Variants in RFX7 observed in about 807,000 individuals in gnomAD.
The protein encoded by RFX7 is DNA-binding protein RFX7.
A neutral mutation model predicts 111.8 loss-of-function variants in RFX7; 26 were observed. That is an observed-to-expected ratio of 0.23 (90% CI 0.17 to 0.32). The LOEUF (loss-of-function observed/expected upper bound fraction) is 0.32. Ranked by LOEUF, RFX7 falls within the 10% of genes least tolerant of loss-of-function variation. The pLI is 1.00. For synonymous variants in RFX7, 624 were observed against 624.4 expected (o/e 1.00, Z 0.01); for missense variants, 1,573 against 1,772.9 (o/e 0.89, Z 2.02).
chr15:56,217,987 T>C (rs1219944548), intron 2 of RFX7, among the ~76,000 whole-genome samples: 3 of 151,836 alleles, frequency 2.0e-5, no homozygotes, highest in Admixed American at 6.6e-5. Context: ...CAACCACAAA[T>C]TGAAAACACT....
At position 56,094,874 on chromosome 15, in the gene RFX7, G is replaced by A. The variant is rs767597741; in HGVS notation, c.2854C>T (p.Pro952Ser). ...GTPIHTPTPT[P>S]TPTPTPTPTP... ...GGGGTTGGAGTAGGAGTGGGTGTGG[G>A]TGTGGGTGTGGGTGTGTGGATTGGA... is the stretch of plus-strand genomic sequence containing the variant. Residue 952 changes from proline (P) to serine (S), a missense_variant, in exon 10 of 10, where the codon CCC (proline) becomes TCC (serine). By Grantham distance (74) the Pro-to-Ser change is moderately conservative. Around this residue, in one of 7 missense-constraint regions of RFX7, gnomAD observed 625 missense variants for 632.2 expected, o/e 0.99. Coordinates refer to ENST00000559447, the MANE Select transcript of RFX7 (RefSeq NM_022841.7). The A allele has an allele frequency of 7.1e-6, 11 of 1,551,348 alleles. No individual in the cohort carries two copies. The Admixed American group carries it at 9.7e-5, about 14-fold the overall frequency.
intron 5 of RFX7, among the ~76,000 whole-genome samples, chr15:56,128,903 T>C (rs1049480438): frequency 5.9e-5 from 9 of 152,074 alleles, no homozygotes; most frequent in Non-Finnish European, 1.3e-4. Context: ...TTTCTATATA[T>C]TGGCAACAAC....
chr15:56,129,113 C>T (rs961596450), intron 5 of RFX7, among the ~76,000 whole-genome samples: 6 of 152,158 alleles, frequency 3.9e-5, no homozygotes, highest in Admixed American at 6.5e-5. Flanking sequence ...CAATGGCTCA[C>T]GCCTGTAATC....
chr15:56,135,750 T>C (rs1387588094), intron 5 of RFX7, among the ~76,000 whole-genome samples: 1 of 151,928 alleles, frequency 6.6e-6, no homozygotes, highest in African/African-American at 2.4e-5. Flanking sequence ...TGGTTTTAGG[T>C]CTAACATTTA....
intron 2 of RFX7, among the ~76,000 whole-genome samples, chr15:56,188,748 C>T (rs567422072): frequency 6.6e-6 from 1 of 152,140 alleles, no homozygotes; most frequent in Admixed American, 6.5e-5. Flanking sequence ...TGAGCTGAAG[C>T]TTAAAGTGTC....
chr15:56,179,257 TTA>T lies in RFX7; in HGVS notation c.195+11_195+12del. ...TATTGCAAAAGGATTTTAATATTAG[TTA>T]TTTCACTTACCAAAATGCAGTCCAC... On this transcript the variant is annotated intron_variant, in intron 3 of 9. Coordinates refer to ENST00000559447, the MANE Select transcript of RFX7 (RefSeq NM_022841.7). 8.1e-7 allele frequency: 1 copy of T among 1,235,882 alleles called. No individual in the cohort carries two copies. Among genetic ancestry groups the T allele is most frequent in the Non-Finnish European group, 1.1e-6 (1 of 927,902 alleles). 76.6% of individuals were successfully genotyped at this position (1,235,882 alleles called of 1,614,324 possible).
intron 3 of RFX7, among the ~76,000 whole-genome samples, chr15:56,163,253 T>A (rs1273762495): frequency 1.3e-5 from 2 of 152,092 alleles, no homozygotes; most frequent in Non-Finnish European, 2.9e-5. Context: ...CATATATCTC[T>A]GGAGGGCAGG....
At position 56,125,581 on chromosome 15, in the gene RFX7, G is replaced by A. The variant is rs142085081; in HGVS notation, c.401+17197C>T. On this transcript the variant is annotated intron_variant, in intron 5 of 9. Transcript: ENST00000559447. ...AAGTCTTTCGCATCCTTGGTTAAGC[G>A]TATTCTGAGGGTTTCTTCTGTGTGT... Among the ~76,000 whole-genome samples the A allele has an allele frequency of 8.0e-5, 12 of 149,218 alleles. No individual in the cohort carries two copies. The East Asian group carries it at 1.2e-3, about 15-fold the overall frequency.
intron 2 of RFX7, among the ~76,000 whole-genome samples, chr15:56,205,706 G>A (rs2043242991): frequency 1.3e-5 from 2 of 152,062 alleles, no homozygotes; most frequent in South Asian, 4.1e-4. Context: ...ATTAGCAGAG[G>A]GACAGAAACA....
intron 3 of RFX7, among the ~76,000 whole-genome samples, chr15:56,147,089 T>C (rs934589755): frequency 5.3e-5 from 8 of 152,356 alleles, no homozygotes; most frequent in African/African-American, 1.7e-4. Context: ...TTTATGACAA[T>C]TTAAATGATA....
chr15:56,187,349 T>C (rs1324895085), intron 2 of RFX7, among the ~76,000 whole-genome samples: 1 of 151,994 alleles, frequency 6.6e-6, no homozygotes, highest in African/African-American at 2.4e-5. Context: ...TAGCTGGGAT[T>C]ACAGGCGCAT....
At chr15:56,171,606 T>C (rs1464881291) in intron 3 of RFX7, among the ~76,000 whole-genome samples, 1 of 152,174 alleles carries the variant, frequency 6.6e-6, no homozygotes, top group Non-Finnish European at 1.5e-5. Context: ...ATGGCACTGC[T>C]AACAACTTAG....
intron 2 of RFX7, 103 bp downstream of exon 2, chr15:56,243,022 G>T (rs2043723503): frequency 2.6e-6 from 2 of 765,980 alleles, no homozygotes; most frequent in South Asian, 1.5e-5. Flanking sequence ...TTCAATGAAT[G>T]CATCAGCCTC....
intron 3 of RFX7, among the ~76,000 whole-genome samples, chr15:56,167,283 A>AAACTGGGTGACAGAGT (rs1205630937): frequency 6.6e-6 from 1 of 152,172 alleles, no homozygotes; most frequent in Admixed American, 6.5e-5. Flanking sequence ...ACTGCACTCC[A>AAACTGGGTGACAGAGT]AACTGGGTGA....
intron 1 of RFX7, 60 bp downstream of exon 1, chr15:56,243,385 G>C (rs2043738127): frequency 1.2e-6 from 1 of 863,816 alleles, no homozygotes; most frequent in African/African-American, 1.9e-5. Context: ...GAGGAGGAGG[G>C]GGAGGGGGAG....
chr15:56,102,664 T>G (rs1278187529), intron 6 of RFX7, among the ~76,000 whole-genome samples: 1 of 152,184 alleles, frequency 6.6e-6, no homozygotes, highest in Non-Finnish European at 1.5e-5. Flanking sequence ...GGCTTTAACC[T>G]TTTCGTTTCT....
At chr15:56,218,318 G>C (rs1324526944) in intron 2 of RFX7, among the ~76,000 whole-genome samples, 1 of 151,772 alleles carries the variant, frequency 6.6e-6, no homozygotes, top group African/African-American at 2.4e-5. Flanking sequence ...TTTTAGTAGA[G>C]ATGGGGTTAC....
chr15:56,235,310 G>C (rs1257631548), intron 2 of RFX7, among the ~76,000 whole-genome samples: 1 of 152,110 alleles, frequency 6.6e-6, no homozygotes, highest in Non-Finnish European at 1.5e-5. Flanking sequence ...TGAGTAGCTG[G>C]GGCTACAGGC....
At chr15:56,140,452 GCAATGCC>G (rs1417721353) in intron 5 of RFX7, among the ~76,000 whole-genome samples, 8 of 152,238 alleles carry the variant, frequency 5.3e-5, no homozygotes, top group Non-Finnish European at 1.0e-4. Flanking sequence ...CCCAAGTGAG[GCAATGCC>G]TCGCCCTGCT....
Sources: allele counts gnomAD v4.1 joint callset (sites outside exome capture counted in the v4.1 genomes callset), GRCh38; gene constraint gnomAD v4.1.1; regional missense constraint gnomAD v4.1.1; transcripts MANE v1.5; gene names NCBI Gene and HGNC (gene_info 2026-07-23, HGNC 2026-07-21).